The following SCN7A variants were observed in gnomAD, a reference collection of about 807,000 sequenced individuals.
SCN7A encodes the protein sodium voltage-gated channel alpha subunit 7.
A neutral mutation model predicts 155.2 loss-of-function variants in SCN7A; 138 were observed. The ratio of observed to expected loss-of-function variants is 0.89; its 90% CI spans 0.77 to 1.02. SCN7A has a LOEUF of 1.02. SCN7A is among the 50% of genes least tolerant of loss of function. The pLI, the probability that SCN7A is intolerant of heterozygous loss-of-function variation, is 0.00. For missense variants in SCN7A, 2,058 were observed against 1,986.6 expected (o/e 1.04, Z -0.68); for synonymous variants, 693 against 649.0 (o/e 1.07, Z -1.03).
chr2:166,436,774 T>C (rs1245305748), intron 15 of SCN7A, among the ~76,000 whole-genome samples: 1 of 152,172 alleles, frequency 6.6e-6, no homozygotes, highest in Non-Finnish European at 1.5e-5. Context: ...GAGGAACTTG[T>C]TGAGAACTGG....
At chr2:166,416,236 G>A (rs991318510) in intron 21 of SCN7A, among the ~76,000 whole-genome samples, 1 of 152,116 alleles carries the variant, frequency 6.6e-6, no homozygotes, top group Non-Finnish European at 1.5e-5. Context: ...GTGCACCACT[G>A]AACATAGACC....
intron 2 of SCN7A, among the ~76,000 whole-genome samples, chr2:166,478,190 C>A (rs1306652797): frequency 6.6e-6 from 1 of 151,486 alleles, no homozygotes; most frequent in African/African-American, 2.4e-5. Context: ...CAAATATTAA[C>A]CCAAATTTAC....
chr2:166,444,831 T>C lies in SCN7A; in HGVS notation c.1557A>G (p.Val519=). 2 of 1,611,058 alleles carry C rather than the reference T, an allele frequency of 1.2e-6. No individual in the cohort carries two copies. The highest frequency in any genetic ancestry group is 8.5e-7 in the Non-Finnish European group (1 of 1,178,224). Residue 519 remains valine (V), a synonymous_variant, in exon 13 of 26, where the codon GTA becomes GTG. Coordinates refer to ENST00000643258, the MANE Select transcript of SCN7A (RefSeq NM_002976.4). ...GATAATGCTCCAAGGTCAGAAAACA[T>C]ACGTTTAAAATTATGCATATGATAA... ...LFLIICIILN[V]CFLTLEHYPM...
chr2:166,462,316 C>T lies in SCN7A; in HGVS notation c.1083+73G>A, dbSNP rs1448708963. The T allele has an allele frequency of 6.3e-6, 9 of 1,437,218 alleles. No homozygotes were observed. In the East Asian group the frequency reaches 7.5e-5, roughly 12 times the overall value. 89.0% of individuals were successfully genotyped at this position (1,437,218 alleles called of 1,614,324 possible). A position where few individuals can be genotyped will look rare whatever the true frequency, so the allele number is the denominator to read the frequency against. On this transcript the variant is annotated intron_variant, in intron 10 of 25. Coordinates refer to ENST00000643258, the MANE Select transcript of SCN7A (RefSeq NM_002976.4). ...CATAAAAATTTAAAAAACTATATTA[C>T]ATTTGACCATTATCTTAGAAGCAAG...
intron 2 of SCN7A, among the ~76,000 whole-genome samples, chr2:166,482,651 T>C (rs1033027839): frequency 2.6e-5 from 4 of 151,872 alleles, no homozygotes; most frequent in African/African-American, 9.7e-5. Context: ...CAGTCACTTA[T>C]CCCAGAAGAT....
intron 20 of SCN7A, 31 bp downstream of exon 20, chr2:166,421,159 T>C: frequency 1.5e-6 from 2 of 1,378,674 alleles, no homozygotes; most frequent in South Asian, 1.4e-5. Context: ...AAATAAAAAT[T>C]TGTAGATTAG....
chr2:166,405,937 G>C lies in SCN7A; in HGVS notation c.4692C>G (p.Leu1564=), dbSNP rs777096615. 6.2e-7 allele frequency: 1 copy of C among 1,613,098 alleles called. No homozygotes were observed. The highest frequency in any genetic ancestry group is 8.5e-7 in the Non-Finnish European group (1 of 1,179,404). Residue 1564 remains leucine, a synonymous_variant, in exon 26 of 26, where the codon CTC becomes CTG. Transcript: ENST00000643258. ...PNKGQLIALD[L]PMAVGDRIHC... is the part of the protein sequence containing the mutation. ...GAATTCTGTCCCCAACAGCCATGGG[G>C]AGGTCCAAAGCAATGAGCTGGCCCT... is the stretch of plus-strand genomic sequence containing the variant.
chr2:166,423,444 A>G lies in SCN7A; in HGVS notation c.2854-12T>C. On this transcript the variant is annotated splice_polypyrimidine_tract_variant and intron_variant, in intron 18 of 25. Transcript: ENST00000643258. Reference sequence around the variant, plus strand: ...ATATCTTCAAAAGCCTGTGGGTAAAAATAAAAAAATAAGGATTAGGTGTAC... The same window carrying G: ...ATATCTTCAAAAGCCTGTGGGTAAAGATAAAAAAATAAGGATTAGGTGTAC... The G allele has an allele frequency of 6.6e-7, 1 of 1,512,108 alleles. No homozygotes were observed. The highest frequency in any genetic ancestry group is 8.8e-7 in the Non-Finnish European group (1 of 1,137,412). 93.7% of individuals were successfully genotyped at this position (1,512,108 alleles called of 1,614,324 possible).
At chr2:166,421,598 C>A (rs1175091110) in intron 19 of SCN7A, among the ~76,000 whole-genome samples, 1 of 151,790 alleles carries the variant, frequency 6.6e-6, no homozygotes, top group Non-Finnish European at 1.5e-5. Flanking sequence ...AATGACATAT[C>A]TTTTTTGTTT....
At position 166,405,637 on chromosome 2, in the gene SCN7A, T is replaced by G; in HGVS notation, c.4992A>C (p.Lys1664Asn). 1 of 1,611,138 alleles carries G rather than the reference T, an allele frequency of 6.2e-7. No individual in the cohort carries two copies. The highest frequency in any genetic ancestry group is 8.5e-7 in the Non-Finnish European group (1 of 1,178,604). ...TAGCTTTGTCAAAATAGGCACCTTC[T>G]TTAGTAGCATGAACATCTCTGTCAC... The part of the protein sequence containing the change: ...IDGDRDVHAT[K>N]EGAYFDKAKE... The change falls in exon 26 of 26, where the codon AAA becomes AAC. Residue 1664 changes from lysine to asparagine, a missense_variant. Lys to Asn is a moderately conservative substitution (Grantham distance 94, BLOSUM62 0). Coordinates refer to ENST00000643258, the MANE Select transcript of SCN7A (RefSeq NM_002976.4).
chr2:166,439,055 G>GTGTATATATATA (rs375208870), intron 15 of SCN7A, among the ~76,000 whole-genome samples: 3,304 of 113,158 alleles, frequency 0.029, 66 homozygotes, highest in South Asian at 0.044. Context: ...GTGTGTGTGT[G>GTGTATATATATA]TATATATATA....
At chr2:166,483,648 T>C (rs1702980766) in intron 2 of SCN7A, among the ~76,000 whole-genome samples, 1 of 151,816 alleles carries the variant, frequency 6.6e-6, no homozygotes, top group Non-Finnish European at 1.5e-5. Context: ...AATTTATCTT[T>C]AATAATTTAA....
chr2:166,444,907 A>G lies in SCN7A; in HGVS notation c.1481T>C (p.Leu494Ser), dbSNP rs1377875923. Reference sequence around the variant, plus strand: ...TATAATCCTATGGACAAACTCTTTCAATTTTAACCAACAGGGAGAACAATT... The same window carrying G: ...TATAATCCTATGGACAAACTCTTTCGATTTTAACCAACAGGGAGAACAATT... ...IWNCSPCWLK[L>S]KEFVHRIIMA... The change falls in exon 13 of 26, where the codon TTG becomes TCG. Residue 494 changes from leucine (L) to serine (S), a missense_variant. Coordinates refer to ENST00000643258, the MANE Select transcript of SCN7A (RefSeq NM_002976.4). 4 of 1,613,360 alleles carry G rather than the reference A, an allele frequency of 2.5e-6. No individual in the cohort carries two copies. The highest frequency in any genetic ancestry group is 2.7e-5 in the African/African-American group (2 of 74,924).
intron 15 of SCN7A, 121 bp downstream of exon 15, chr2:166,441,275 T>C: frequency 1.6e-6 from 1 of 634,774 alleles, no homozygotes; most frequent in Non-Finnish European, 2.7e-6. Context: ...ATCTGGCTAG[T>C]GGGTTACTCT....
rs1280690912 is a variant in SCN7A at position 166,447,693 on chromosome 2, T to C, written c.1306A>G (p.Ile436Val). The change falls in exon 12 of 26, where the codon ATA (isoleucine) becomes GTA (valine). Residue 436 changes from isoleucine (I) to valine (V), a missense_variant. Coordinates refer to ENST00000643258, the MANE Select transcript of SCN7A (RefSeq NM_002976.4). ...ATTGGTGACCTTTTCTTCATTTCTA[T>C]TTGTATGGTCTTGGCCTGAAAAGGA... is the stretch of plus-strand genomic sequence containing the variant. ...NETDEAKTIQ[I>V]EMKKRSPIST... is the part of the protein sequence containing the mutation. 4.3e-6 allele frequency: 7 copies of C among 1,612,830 alleles called. No individual in the cohort carries two copies. The highest frequency in any genetic ancestry group is 5.9e-6 in the Non-Finnish European group (7 of 1,179,044).
chr2:166,482,816 T>G (rs1026191998), intron 2 of SCN7A, among the ~76,000 whole-genome samples: 9 of 151,892 alleles, frequency 5.9e-5, no homozygotes, highest in Non-Finnish European at 1.2e-4. Context: ...GCATCTGACT[T>G]CTAGATGGTT....
intron 2 of SCN7A, among the ~76,000 whole-genome samples, chr2:166,483,306 T>G (rs1702972052): frequency 6.6e-6 from 1 of 152,192 alleles, no homozygotes; most frequent in East Asian, 1.9e-4. Flanking sequence ...CCAAGTACCA[T>G]TTTTGAAGAA....
In SCN7A at chr2:166,465,477, T is replaced by C. The variant is rs1364132327; in HGVS notation, c.926A>G (p.Asn309Ser). 1 of 1,609,884 alleles carries C rather than the reference T, an allele frequency of 6.2e-7. No individual in the cohort carries two copies. Among genetic ancestry groups the C allele is most frequent in the Non-Finnish European group, 8.5e-7 (1 of 1,177,636 alleles). The change falls in exon 9 of 26, where the codon AAC (asparagine) becomes AGC (serine). Residue 309 changes from asparagine (N) to serine (S), a missense_variant. Asn to Ser is a conservative substitution (Grantham distance 46). Transcript: ENST00000643258. The stretch of plus-strand genomic sequence containing the variant: ...TACCACCTACCCAGCATCTGTCCTG[T>C]TGCCACAAAGGAGAGCATATCTTTC... ...EGERYALLCG[N>S]RTDAGQCPEG...
Position 166,447,631 on chromosome 2 carries a change from A to G in SCN7A, c.1368T>C (p.Ala456=). The G allele has an allele frequency of 6.2e-7, 1 of 1,610,710 alleles. No individual in the cohort carries two copies. The highest frequency in any genetic ancestry group is 8.5e-7 in the Non-Finnish European group (1 of 1,177,212). The change falls in exon 12 of 26, where the codon GCT becomes GCC. Residue 456 remains alanine, a synonymous_variant. Transcript: ENST00000643258. ...CTTTACCTTCCTTATGTCTGAGAGT[A>G]GCATCTTCCAACACATCCAATGATG... is the stretch of plus-strand genomic sequence containing the variant. ...TDTSLDVLED[A]TLRHKEELEK...
Sources: allele counts gnomAD v4.1 joint callset (sites outside exome capture counted in the v4.1 genomes callset), GRCh38; gene constraint gnomAD v4.1.1; transcripts MANE v1.5; gene names NCBI Gene and HGNC (gene_info 2026-07-23, HGNC 2026-07-21).